Variants in COL26A1 observed in about 807,000 individuals in gnomAD.
COL26A1 encodes the protein collagen alpha-1(XXVI) chain.
A neutral mutation model predicts 59.3 loss-of-function variants in COL26A1; 41 were observed. The ratio of observed to expected loss-of-function variants is 0.69; its 90% CI spans 0.54 to 0.90. The LOEUF (loss-of-function observed/expected upper bound fraction) is 0.90, where lower values mean the gene tolerates loss of function less well. COL26A1 is among the 40% of genes least tolerant of loss of function. The probability of loss-of-function intolerance (pLI) is 0.00; values close to 1 mark genes in which losing one functional copy is unlikely to be tolerated. For synonymous variants in COL26A1, 266 were observed against 256.0 expected, an observed-to-expected ratio of 1.04 and a Z score of -0.37; for missense variants, 612 against 602.3, an observed-to-expected ratio of 1.02 and a Z score of -0.17.
At chr7:101,452,213 T>C (rs1793356626) in intron 3 of COL26A1, among the ~76,000 whole-genome samples, 1 of 152,124 alleles carries the variant, frequency 6.6e-6, no homozygotes, top group Non-Finnish European at 1.5e-5. Flanking sequence ...TTTGCAGAGC[T>C]CTTCTTGCAG....
At chr7:101,467,647 C>G (rs1000496321) in intron 3 of COL26A1, among the ~76,000 whole-genome samples, 3 of 151,530 alleles carry the variant, frequency 2.0e-5, no homozygotes, top group African/African-American at 7.3e-5. Flanking sequence ...GCGGGCAGAT[C>G]ACGAGGTCAG....
chr7:101,539,136 G>A (rs1277083559), intron 4 of COL26A1, among the ~76,000 whole-genome samples: 1 of 152,202 alleles, frequency 6.6e-6, no homozygotes, highest in Non-Finnish European at 1.5e-5. Flanking sequence ...GGGACAGATG[G>A]GGCCGCATTG....
intron 4 of COL26A1, among the ~76,000 whole-genome samples, chr7:101,539,449 C>T (rs1319873984): frequency 6.6e-6 from 1 of 152,042 alleles, no homozygotes; most frequent in Admixed American, 6.6e-5. Flanking sequence ...GCTCAGCCTC[C>T]TGAGTAACTG....
intron 1 of COL26A1, among the ~76,000 whole-genome samples, chr7:101,383,721 G>T: frequency 6.6e-6 from 1 of 152,178 alleles, no homozygotes; most frequent in East Asian, 1.9e-4. Flanking sequence ...TTTTAGTAGA[G>T]ACAGGGTTTC....
intron 1 of COL26A1, among the ~76,000 whole-genome samples, chr7:101,395,769 C>T (rs1256233284): frequency 6.6e-6 from 1 of 152,174 alleles, no homozygotes; most frequent in Non-Finnish European, 1.5e-5. Context: ...ACCTGAGGGA[C>T]ATCTGCCTTT....
chr7:101,520,664 C>CACACACACACACACACACACACACACACA (rs1554341000), intron 3 of COL26A1, among the ~76,000 whole-genome samples: 1 of 95,888 alleles, frequency 1.0e-5, no homozygotes, highest in Middle Eastern at 4.9e-3. Flanking sequence ...ACACACACAC[C>CACACACACACACACACACACACACACACA]CCCGTGTTCT....
chr7:101,372,392 C>T (rs62465624), intron 1 of COL26A1, among the ~76,000 whole-genome samples: 38,286 of 151,808 alleles, frequency 0.25, 5,563 homozygotes, highest in East Asian at 0.54. Context: ...GAACTCCTGA[C>T]GTCAAGTGAT....
chr7:101,379,915 A>AT (rs1413515589), intron 1 of COL26A1, among the ~76,000 whole-genome samples: 2 of 152,250 alleles, frequency 1.3e-5, no homozygotes, highest in Non-Finnish European at 2.9e-5. Context: ...AGAAATAATC[A>AT]TAAAAATGGG....
intron 3 of COL26A1, among the ~76,000 whole-genome samples, chr7:101,489,173 T>C (rs1204430155): frequency 6.6e-6 from 1 of 152,218 alleles, no homozygotes; most frequent in East Asian, 1.9e-4. Context: ...CCGTGATTTT[T>C]TTTTTCCTCT....
intron 3 of COL26A1, among the ~76,000 whole-genome samples, chr7:101,461,940 T>G (rs1345038198): frequency 2.0e-5 from 3 of 151,596 alleles, no homozygotes; most frequent in Non-Finnish European, 4.4e-5. Flanking sequence ...TTGCCTCTGC[T>G]TAGCCTGTTA....
At chr7:101,372,021 G>T (rs570520942) in intron 1 of COL26A1, among the ~76,000 whole-genome samples, 3 of 152,150 alleles carry the variant, frequency 2.0e-5, no homozygotes, top group Non-Finnish European at 4.4e-5. Flanking sequence ...GGGCTTACAT[G>T]GGTTAATATT....
chr7:101,469,788 C>T (rs547699600), intron 3 of COL26A1, among the ~76,000 whole-genome samples: 1 of 152,040 alleles, frequency 6.6e-6, no homozygotes, highest in African/African-American at 2.4e-5. Context: ...CCGCGCCCAG[C>T]TGGTGTCCAC....
At chr7:101,479,616 T>G (rs1458022578) in intron 3 of COL26A1, among the ~76,000 whole-genome samples, 1 of 152,196 alleles carries the variant, frequency 6.6e-6, no homozygotes, top group African/African-American at 2.4e-5. Flanking sequence ...TACTTACCCA[T>G]TTAAGACTCT....
rs765471760 is a variant in COL26A1, at chr7:101,549,151, A to T, written c.941-20A>T. On this transcript the variant is annotated intron_variant, in intron 8 of 12. Transcript: ENST00000313669. Reference sequence around the variant, plus strand: ...GCCCCCTCTCTGGCCCCAGGTGACCATCTGTGACTCTGCCCACAGGTCCCC... The same window carrying T: ...GCCCCCTCTCTGGCCCCAGGTGACCTTCTGTGACTCTGCCCACAGGTCCCC... 6 of 1,543,908 alleles carry T rather than the reference A, an allele frequency of 3.9e-6. No homozygotes were observed. In the Admixed American group the frequency reaches 1.2e-4, roughly 32 times the overall value.
Position 101,540,048 on chromosome 7 carries a change from C to G in COL26A1, c.603C>G (p.Ala201=), listed in dbSNP as rs760932220. The change falls in exon 5 of 13, where the codon GCC becomes GCG. Residue 201 remains alanine (A), a splice_region_variant and synonymous_variant. Transcript: ENST00000313669. ...GACAGAGAAGGCCCACGGGCCCAGC[C>G]GGTGAGTGAGGGCTGCAGAGAGGAC... is the stretch of plus-strand genomic sequence containing the variant. ...VPRQRRPTGP[A]GPPGQTGPPG... 1.2e-6 allele frequency: 2 copies of G among 1,611,312 alleles called. No individual in the cohort carries two copies. Among genetic ancestry groups the G allele is most frequent in the Non-Finnish European group, 1.7e-6 (2 of 1,179,034 alleles).
chr7:101,555,010 A>G (rs1393530046), intron 11 of COL26A1, among the ~76,000 whole-genome samples: 1 of 152,170 alleles, frequency 6.6e-6, no homozygotes, highest in African/African-American at 2.4e-5. Flanking sequence ...TCTGAACATA[A>G]GACAGATCTG....
intron 2 of COL26A1, among the ~76,000 whole-genome samples, chr7:101,441,829 G>A (rs1584410466): frequency 6.6e-6 from 1 of 152,250 alleles, no homozygotes; most frequent in East Asian, 1.9e-4. Context: ...GGGTTGGGAG[G>A]AATGAGGTCA....
At chr7:101,364,379 T>A (rs1790991322) in intron 1 of COL26A1, among the ~76,000 whole-genome samples, 1 of 152,078 alleles carries the variant, frequency 6.6e-6, no homozygotes, top group Admixed American at 6.6e-5. Flanking sequence ...TCAACTCTGT[T>A]GCCCAGGCTT....
chr7:101,421,451 G>T (rs1201477523), intron 2 of COL26A1, among the ~76,000 whole-genome samples: 1 of 152,090 alleles, frequency 6.6e-6, no homozygotes, highest in Non-Finnish European at 1.5e-5. Flanking sequence ...GAGGCGGGTG[G>T]ATCACTTGAG....
Sources: gnomAD v4.1 joint callset for allele counts (sites outside exome capture counted in the v4.1 genomes callset) on GRCh38, gnomAD v4.1.1 for gene constraint, MANE v1.5 for transcripts, NCBI Gene and HGNC (gene_info 2026-07-23, HGNC 2026-07-21) for gene names.